IFT122: variants seen among roughly 807,000 people sequenced by gnomAD.
The protein encoded by IFT122 is intraflagellar transport 122, also known as intraflagellar transport protein 122 homolog.
IFT122 carries 118 observed loss-of-function variants against 161.6 expected under a neutral mutation model. The observed-to-expected ratio is 0.73, with a 90% confidence interval of 0.63 to 0.85. IFT122 has a LOEUF of 0.85. IFT122 is among the 40% of genes least tolerant of loss of function. The probability of loss-of-function intolerance (pLI) is 0.00; values close to 1 mark genes in which losing one functional copy is unlikely to be tolerated. For synonymous variants in IFT122, 550 were observed against 602.4 expected (o/e 0.91, Z 1.27); for missense variants, 1,381 against 1,579.6 (o/e 0.87, Z 2.13).
intron 1 of IFT122, among the ~76,000 whole-genome samples, chr3:129,449,427 T>C (rs1189960471): frequency 4.6e-5 from 7 of 152,248 alleles, no homozygotes. Context: ...GTTTCACACC[T>C]TCTCACTGGA....
Position 129,467,042 on chromosome 3 carries a change from A to G in IFT122, c.716A>G (p.Asp239Gly). 6.2e-7 allele frequency: 1 copy of G among 1,614,084 alleles called. No homozygotes were observed. Among genetic ancestry groups the G allele is most frequent in the Non-Finnish European group, 8.5e-7 (1 of 1,179,998 alleles). Residue 239 changes from aspartate to glycine, a missense_variant, in exon 8 of 30, where the codon GAC becomes GGC. This residue lies in a region of IFT122 where 544 missense variants were observed against 648.0 expected (regional missense o/e 0.84). Coordinates refer to ENST00000348417, the MANE Select transcript of IFT122 (RefSeq NM_052989.3). Reference protein sequence around the residue: ...EAEEEEPEEEDDSPRDDNLEE... With the variant: ...EAEEEEPEEEGDSPRDDNLEE... ...GAGGAGGAAGAACCAGAGGAAGAGG[A>G]CGACAGTCCCAGGGACGACAACTTG...
intron 9 of IFT122, among the ~76,000 whole-genome samples, chr3:129,470,125 A>G (rs1226770552): frequency 6.6e-6 from 1 of 152,232 alleles, no homozygotes; most frequent in Non-Finnish European, 1.5e-5. Context: ...GTATCAAGGC[A>G]GGAAGGAATG....
chr3:129,515,443 C>T (rs1424753102), intron 25 of IFT122, 45 bp from the exon 26 acceptor site: 12 of 1,156,414 alleles, frequency 1.0e-5, no homozygotes, highest in African/African-American at 1.7e-5. Flanking sequence ...GGGAGGAGGA[C>T]ACGTGCCTGC....
intron 9 of IFT122, among the ~76,000 whole-genome samples, chr3:129,472,536 T>G (rs1052561910): frequency 3.9e-5 from 6 of 152,184 alleles, no homozygotes; most frequent in African/African-American, 1.4e-4. Flanking sequence ...CTAAGCAATA[T>G]TGGAATGCTT....
chr3:129,487,523 C>T (rs1357730804), intron 15 of IFT122: 1 of 156,792 alleles, frequency 6.4e-6, no homozygotes. Context: ...CATGGGCACT[C>T]ACAGCAAGGC....
chr3:129,446,742 G>A (rs2074050042), intron 1 of IFT122, among the ~76,000 whole-genome samples: 2 of 152,144 alleles, frequency 1.3e-5, no homozygotes, highest in Admixed American at 6.5e-5. Flanking sequence ...TGTGTCATGG[G>A]CTGTGGTCAC....
intron 17 of IFT122, among the ~76,000 whole-genome samples, chr3:129,492,846 TCTCA>T (rs1163362372): frequency 6.9e-6 from 1 of 144,606 alleles, no homozygotes; most frequent in Non-Finnish European, 1.5e-5. Context: ...TGAAACAAGG[TCTCA>T]CTCTGTTCCC....
chr3:129,492,675 C>T (rs907545935), intron 17 of IFT122, among the ~76,000 whole-genome samples: 3 of 152,108 alleles, frequency 2.0e-5, no homozygotes, highest in African/African-American at 7.2e-5. Flanking sequence ...CCCCAGAGTT[C>T]TGGAGCAACC....
rs7610149 is a variant in IFT122, at chr3:129,483,801, G to T, written c.1851+119G>T. On this transcript the variant is annotated intron_variant, in intron 15 of 29. Transcript: ENST00000348417. ...AAGGAGAGAAGAATGGCAGCTGTGA[G>T]GTCGTGGGAGGCAGTCTGGGCCTGG... 157,542 of 1,090,450 alleles carry T rather than the reference G, an allele frequency of 0.14. 19,145 individuals carry two copies. The highest frequency in any genetic ancestry group is 0.47 in the African/African-American group (29,070 of 62,428). 67.5% of individuals were successfully genotyped at this position (1,090,450 alleles called of 1,614,324 possible).
chr3:129,484,092 G>C lies in IFT122; in HGVS notation c.1851+410G>C, dbSNP rs533305600. ...GAGAGAGAGGGGAGAGAGAGAATGAGTGGGTGGGGGGTGTGGGCTGAGGTC... is the reference window on the plus strand; with the variant it reads ...GAGAGAGAGGGGAGAGAGAGAATGACTGGGTGGGGGGTGTGGGCTGAGGTC... On this transcript the variant is annotated intron_variant, in intron 15 of 29. Transcript: ENST00000348417. Among the ~76,000 whole-genome samples the C allele has an allele frequency of 8.6e-4, 131 of 151,950 alleles. 1 individual carries two copies. The highest frequency in any genetic ancestry group is 6.8e-3 in the Middle Eastern group (2 of 294).
intron 7 of IFT122, 33 bp from the exon 8 acceptor site, chr3:129,466,857 A>C (rs758404362): frequency 6.3e-7 from 1 of 1,595,572 alleles, no homozygotes; most frequent in East Asian, 2.2e-5. Flanking sequence ...GTTCTAGGCA[A>C]TGTAATTTTG....
intron 14 of IFT122, among the ~76,000 whole-genome samples, chr3:129,481,956 C>A (rs1029442912): frequency 6.6e-6 from 1 of 152,190 alleles, no homozygotes; most frequent in Non-Finnish European, 1.5e-5. Flanking sequence ...CCAGCAGAGC[C>A]TTTCTTAAGC....
intron 12 of IFT122, 120 bp from the exon 13 acceptor site, chr3:129,479,663 TAG>T: frequency 8.1e-7 from 1 of 1,235,550 alleles, no homozygotes; most frequent in Non-Finnish European, 1.2e-6. Flanking sequence ...TACATTGGGT[TAG>T]ATAGATGGAT....
chr3:129,456,150 C>G (rs760098297), intron 3 of IFT122: 1 of 806,848 alleles, frequency 1.2e-6, no homozygotes, highest in Admixed American at 2.3e-5. Flanking sequence ...TTGGGTCATG[C>G]AGCTGGTCAG....
At chr3:129,475,263 G>A (rs1432467767) in intron 9 of IFT122, among the ~76,000 whole-genome samples, 1 of 152,156 alleles carries the variant, frequency 6.6e-6, no homozygotes, top group Admixed American at 6.5e-5. Flanking sequence ...TGGAGAAATT[G>A]GAATCCTCAT....
At chr3:129,477,013 A>G (rs2108282876) in intron 11 of IFT122, among the ~76,000 whole-genome samples, 1 of 151,734 alleles carries the variant, frequency 6.6e-6, no homozygotes, top group East Asian at 1.9e-4. Context: ...GAAAGCAATA[A>G]ATCCTCTCTG....
intron 1 of IFT122, among the ~76,000 whole-genome samples, chr3:129,446,556 A>C (rs2074027528): frequency 1.3e-5 from 2 of 152,110 alleles, no homozygotes; most frequent in South Asian, 4.1e-4. Flanking sequence ...TGTCAGAAAA[A>C]TTTTAAATCA....
intron 15 of IFT122, chr3:129,487,798 C>T (rs1442704312): frequency 2.1e-5 from 6 of 287,422 alleles, no homozygotes; most frequent in Middle Eastern, 1.3e-3. Context: ...CCTGTAACTG[C>T]GGCACAACCT....
chr3:129,475,048 G>A (rs764129132), intron 9 of IFT122, among the ~76,000 whole-genome samples: 1 of 152,106 alleles, frequency 6.6e-6, no homozygotes, highest in African/African-American at 2.4e-5. Flanking sequence ...CCAGCTACTG[G>A]GGGTGGTGAG....
Sources: gnomAD v4.1 joint callset for allele counts (sites outside exome capture counted in the v4.1 genomes callset) on GRCh38, gnomAD v4.1.1 for gene constraint, gnomAD v4.1.1 regional missense constraint, MANE v1.5 for transcripts, NCBI Gene and HGNC (gene_info 2026-07-23, HGNC 2026-07-21) for gene names.